TRDN: variants seen among roughly 807,000 people sequenced by gnomAD.
TRDN encodes triadin.
TRDN carries 161 observed loss-of-function variants against 149.7 expected under a neutral mutation model. The observed-to-expected ratio is 1.08, with a 90% confidence interval of 0.95 to 1.23. TRDN has a LOEUF of 1.23. TRDN is among the 50% of genes most tolerant of loss of function. TRDN has a pLI of 0.00. For missense variants in TRDN, 896 were observed against 823.5 expected, an observed-to-expected ratio of 1.09 and a Z score of -1.08; for synonymous variants, 294 against 250.5, an observed-to-expected ratio of 1.17 and a Z score of -1.64.
chr6:123,575,726 A>T (rs1437023880), intron 1 of TRDN, among the ~76,000 whole-genome samples: 4 of 152,112 alleles, frequency 2.6e-5, no homozygotes, highest in African/African-American at 9.7e-5. Context: ...TTGCTTATAT[A>T]ATGGATCTAA....
chr6:123,569,607 G>T lies in TRDN; in HGVS notation c.232+1316C>A, dbSNP rs1042597470. On this transcript the variant is annotated intron_variant, in intron 2 of 40. Coordinates refer to ENST00000334268, the MANE Select transcript of TRDN (RefSeq NM_006073.4). ...GTTATACAGGTTGTACAGGAATCAT[G>T]ATGCTGGTGTCTTCTTGGATTCTGG... Among the ~76,000 whole-genome samples, 57 of 152,212 alleles carry T rather than the reference G, an allele frequency of 3.7e-4. 1 individual carries two copies. Among genetic ancestry groups the T allele is most frequent in the Admixed American group, 3.7e-3 (57 of 15,278 alleles).
chr6:123,535,086 T>G (rs908862744), intron 4 of TRDN, among the ~76,000 whole-genome samples: 1 of 152,168 alleles, frequency 6.6e-6, no homozygotes, highest in Non-Finnish European at 1.5e-5. Flanking sequence ...TCAAAGTATC[T>G]TAATCCACGT....
intron 4 of TRDN, among the ~76,000 whole-genome samples, chr6:123,538,750 T>G (rs1309063500): frequency 6.6e-6 from 1 of 152,168 alleles, no homozygotes; most frequent in Non-Finnish European, 1.5e-5. Flanking sequence ...TGTATACTAA[T>G]GATCCTTAAA....
chr6:123,486,045 T>C (rs1420560767), intron 9 of TRDN, among the ~76,000 whole-genome samples: 3 of 152,056 alleles, frequency 2.0e-5, no homozygotes, highest in Admixed American at 2.0e-4. Context: ...TTTTCCAGAC[T>C]GTAGTGAGTC....
intron 12 of TRDN, among the ~76,000 whole-genome samples, chr6:123,417,627 AC>A (rs1170688297): frequency 6.6e-6 from 1 of 152,124 alleles, no homozygotes; most frequent in Non-Finnish European, 1.5e-5. Flanking sequence ...GCCCTTTTGT[AC>A]TGTAAATTGC....
intron 21 of TRDN, chr6:123,351,998 A>G: frequency 3.1e-6 from 3 of 978,732 alleles, no homozygotes; most frequent in Non-Finnish European, 3.6e-6. Flanking sequence ...TAACTATTTT[A>G]TACCATTATG....
intron 8 of TRDN, chr6:123,498,338 A>C: frequency 3.4e-6 from 1 of 293,360 alleles, no homozygotes; most frequent in Non-Finnish European, 6.9e-6. Context: ...TTTTTAGAGT[A>C]GTAACAGCAT....
At chr6:123,510,247 T>C (rs1779111150) in intron 7 of TRDN, 1 of 152,140 alleles carries the variant, frequency 6.6e-6, no homozygotes. Flanking sequence ...TTTGGTTATC[T>C]AACGGAAGAT....
intron 19 of TRDN, 26 bp downstream of exon 19, chr6:123,375,579 T>C (rs1288681944): frequency 2.0e-6 from 3 of 1,525,624 alleles, no homozygotes; most frequent in Non-Finnish European, 1.8e-6. Flanking sequence ...AAATATGCTC[T>C]TCTTTAAAAA....
At chr6:123,488,719 T>C (rs1778079709) in intron 9 of TRDN, 1 of 151,866 alleles carries the variant, frequency 6.6e-6, no homozygotes, top group Admixed American at 6.6e-5. Context: ...GTTTTTTTTT[T>C]TTTTTTCTAG....
intron 9 of TRDN, among the ~76,000 whole-genome samples, chr6:123,484,358 T>G (rs570011343): frequency 6.6e-6 from 1 of 152,176 alleles, no homozygotes; most frequent in Non-Finnish European, 1.5e-5. Flanking sequence ...GCCACACAAA[T>G]AAACCTTAGA....
chr6:123,426,346 A>G (rs956055431), intron 12 of TRDN, among the ~76,000 whole-genome samples: 1 of 152,170 alleles, frequency 6.6e-6, no homozygotes, highest in Non-Finnish European at 1.5e-5. Context: ...GTGAACTATT[A>G]GGATTCTATT....
intron 10 of TRDN, among the ~76,000 whole-genome samples, chr6:123,452,276 G>A (rs1175297569): frequency 6.6e-6 from 1 of 152,022 alleles, no homozygotes; most frequent in Non-Finnish European, 1.5e-5. Context: ...GAAATAAAGA[G>A]CATTCAGATC....
intron 7 of TRDN, among the ~76,000 whole-genome samples, chr6:123,508,107 T>C (rs1405310084): frequency 2.6e-5 from 4 of 152,206 alleles, no homozygotes; most frequent in African/African-American, 7.2e-5. Context: ...ACATTTCTAA[T>C]ATTATATCTG....
intron 1 of TRDN, among the ~76,000 whole-genome samples, chr6:123,578,547 G>A (rs901019561): frequency 9.2e-5 from 14 of 152,132 alleles, no homozygotes; most frequent in Admixed American, 3.3e-4. Context: ...ATGCTATTTC[G>A]CTCACTGTAG....
intron 23 of TRDN, among the ~76,000 whole-genome samples, chr6:123,319,493 A>C (rs1261363913): frequency 2.6e-5 from 4 of 152,060 alleles, no homozygotes; most frequent in Non-Finnish European, 2.9e-5. Context: ...GTATATATAT[A>C]AACTTTATAT....
chr6:123,291,495 G>A (rs1242362367), intron 24 of TRDN, among the ~76,000 whole-genome samples: 1 of 151,496 alleles, frequency 6.6e-6, no homozygotes, highest in Non-Finnish European at 1.5e-5. Flanking sequence ...AACCCGGGAG[G>A]CAGAGCTTGC....
intron 35 of TRDN, among the ~76,000 whole-genome samples, chr6:123,257,747 T>C (rs183052328): frequency 6.6e-6 from 1 of 152,330 alleles, no homozygotes; most frequent in East Asian, 1.9e-4. Flanking sequence ...CTTCACAATA[T>C]TGATTCTTCC....
At chr6:123,474,749 C>T (rs561705600) in intron 9 of TRDN, among the ~76,000 whole-genome samples, 41 of 152,028 alleles carry the variant, frequency 2.7e-4, no homozygotes, top group Middle Eastern at 3.4e-3. Context: ...TACAATCAAA[C>T]TAGAACTCAG....
Sources: allele counts gnomAD v4.1 joint callset (sites outside exome capture counted in the v4.1 genomes callset), GRCh38; gene constraint gnomAD v4.1.1; transcripts MANE v1.5; gene names NCBI Gene and HGNC (gene_info 2026-07-23, HGNC 2026-07-21).